Variants in TRAPPC9 observed in about 807,000 individuals in gnomAD.
The protein encoded by TRAPPC9 is trafficking protein particle complex subunit 9.
TRAPPC9 carries 83 observed loss-of-function variants against 124.0 expected under a neutral mutation model. That is an observed-to-expected ratio of 0.67 (90% confidence interval 0.56 to 0.80). TRAPPC9 has a LOEUF of 0.80. Ranked by LOEUF, TRAPPC9 falls within the 30% of genes least tolerant of loss-of-function variation. The pLI, the probability that TRAPPC9 is intolerant of heterozygous loss-of-function variation, is 0.00. For synonymous variants in TRAPPC9, 638 were observed against 617.5 expected (o/e 1.03, Z -0.49); for missense variants, 1,302 against 1,508.3 (o/e 0.86, Z 2.27).
In TRAPPC9 at chr8:139,788,277, G is replaced by A. The variant is rs1298365321; in HGVS notation, c.3056-56075C>T. On this transcript the variant is annotated intron_variant, in intron 21 of 22. Transcript: ENST00000438773. The surrounding 1 kb of genome is among the most constrained non-coding windows in gnomAD (Gnocchi z 4.9). Reference sequence around the variant, plus strand: ...CTGGGTGGCTAATGTGTGTGTCAGTGTATGTTGGAGGAGGGGAAGGGTGGT... The same window carrying A: ...CTGGGTGGCTAATGTGTGTGTCAGTATATGTTGGAGGAGGGGAAGGGTGGT... Among the ~76,000 whole-genome samples the A allele has an allele frequency of 6.6e-6, 1 of 152,212 alleles. No individual in the cohort carries two copies. Among genetic ancestry groups the A allele is most frequent in the Non-Finnish European group, 1.5e-5 (1 of 68,044 alleles).
chr8:140,261,197 T>C (rs2064399261), intron 15 of TRAPPC9, among the ~76,000 whole-genome samples: 1 of 152,268 alleles, frequency 6.6e-6, no homozygotes, highest in Non-Finnish European at 1.5e-5. Flanking sequence ...CTGTCTGCTC[T>C]GCAGCACTGT....
intron 21 of TRAPPC9, among the ~76,000 whole-genome samples, chr8:139,828,538 C>A (rs763008556): frequency 2.0e-5 from 3 of 152,204 alleles, no homozygotes; most frequent in Admixed American, 1.3e-4. Flanking sequence ...ATTACCAAAT[C>A]GGGAAATGCT....
intron 19 of TRAPPC9, among the ~76,000 whole-genome samples, chr8:139,985,184 T>C (rs565202664): frequency 1.9e-4 from 29 of 152,204 alleles, no homozygotes; most frequent in East Asian, 3.8e-4. Context: ...CAAGACTAAA[T>C]TGTGATTATT....
chr8:140,072,023 A>T (rs1843184694), intron 17 of TRAPPC9, among the ~76,000 whole-genome samples: 1 of 152,234 alleles, frequency 6.6e-6, no homozygotes, highest in African/African-American at 2.4e-5. Flanking sequence ...TATAAGGCAT[A>T]AAACAGAGCA....
At chr8:139,806,669 C>T (rs1005518634) in intron 21 of TRAPPC9, among the ~76,000 whole-genome samples, 1 of 152,236 alleles carries the variant, frequency 6.6e-6, no homozygotes, top group African/African-American at 2.4e-5. Flanking sequence ...GCCTGATAGC[C>T]TTCCCAGGCA....
chr8:139,843,284 C>G (rs184110068), intron 21 of TRAPPC9, among the ~76,000 whole-genome samples: 4 of 152,298 alleles, frequency 2.6e-5, no homozygotes, highest in Non-Finnish European at 5.9e-5. Flanking sequence ...TTCCCAGAGC[C>G]AGCAGGAGGG....
At chr8:140,334,444 G>A (rs2066981014) in intron 9 of TRAPPC9, among the ~76,000 whole-genome samples, 1 of 152,120 alleles carries the variant, frequency 6.6e-6, no homozygotes, top group African/African-American at 2.4e-5. Flanking sequence ...GAGGTCAGGA[G>A]TTCGACACTA....
intron 19 of TRAPPC9, among the ~76,000 whole-genome samples, chr8:139,934,951 C>T (rs1034466281): frequency 6.6e-6 from 1 of 152,204 alleles, no homozygotes; most frequent in Non-Finnish European, 1.5e-5. Flanking sequence ...ACACCTGCTT[C>T]CCAGGCTTGT....
chr8:140,185,677 G>A (rs963387758), intron 17 of TRAPPC9, among the ~76,000 whole-genome samples: 1 of 152,228 alleles, frequency 6.6e-6, no homozygotes, highest in African/African-American at 2.4e-5. Context: ...ACCAGGGGAA[G>A]CCTCCACCAG....
intron 18 of TRAPPC9, among the ~76,000 whole-genome samples, chr8:140,005,294 G>A (rs988158099): frequency 2.0e-5 from 3 of 152,188 alleles, no homozygotes; most frequent in Non-Finnish European, 4.4e-5. Flanking sequence ...TGACTTCTCT[G>A]GGTTTGGGCT....
intron 17 of TRAPPC9, among the ~76,000 whole-genome samples, chr8:140,092,466 G>A (rs1190426532): frequency 6.6e-6 from 1 of 152,058 alleles, no homozygotes; most frequent in African/African-American, 2.4e-5. Context: ...CAAAGTGCTG[G>A]GACTACAGGC....
chr8:140,200,640 C>T (rs919142973), intron 17 of TRAPPC9, among the ~76,000 whole-genome samples: 1 of 152,046 alleles, frequency 6.6e-6, no homozygotes, highest in African/African-American at 2.4e-5. Flanking sequence ...AATATCTGAC[C>T]GGCACTCCTC....
chr8:140,283,241 AAATT>A (rs1259501003), intron 14 of TRAPPC9, among the ~76,000 whole-genome samples: 49 of 151,164 alleles, frequency 3.2e-4, no homozygotes, highest in African/African-American at 9.9e-4. Flanking sequence ...TTGTCTCAAA[AAATT>A]AATTAATTAA....
At position 140,069,153 on chromosome 8, in the gene TRAPPC9, G is replaced by T. The variant is rs150118674; in HGVS notation, c.2557-45074C>A. Among the ~76,000 whole-genome samples the T allele has an allele frequency of 7.2e-5, 11 of 152,328 alleles. No homozygotes were observed. The East Asian group carries it at 2.1e-3, about 29-fold the overall frequency. On this transcript the variant is annotated intron_variant, in intron 17 of 22. Transcript: ENST00000438773. Reference sequence around the variant, plus strand: ...TGTGCTCAAGGAACCATTAAAGAATGCAAGCATAACAGCAGAATTCAGTAT... The same window carrying T: ...TGTGCTCAAGGAACCATTAAAGAATTCAAGCATAACAGCAGAATTCAGTAT...
At chr8:140,147,564 C>T (rs1234169038) in intron 17 of TRAPPC9, among the ~76,000 whole-genome samples, 2 of 152,122 alleles carry the variant, frequency 1.3e-5, no homozygotes, top group Non-Finnish European at 2.9e-5. Context: ...ATAACTTCAG[C>T]GCAAGAAGAT....
chr8:139,826,348 G>C (rs1474042463), intron 21 of TRAPPC9, among the ~76,000 whole-genome samples: 1 of 152,190 alleles, frequency 6.6e-6, no homozygotes, highest in Non-Finnish European at 1.5e-5. Flanking sequence ...AGACAGTGTG[G>C]GCCAGACAAG....
intron 20 of TRAPPC9, among the ~76,000 whole-genome samples, chr8:139,897,103 TTCTCA>T (rs1330209122): frequency 1.3e-5 from 2 of 152,284 alleles, no homozygotes; most frequent in South Asian, 2.1e-4. Flanking sequence ...CCAGCTCATG[TTCTCA>T]TATCTGGAGC....
chr8:140,378,362 G>T (rs2068507453), intron 7 of TRAPPC9, among the ~76,000 whole-genome samples: 1 of 152,142 alleles, frequency 6.6e-6, no homozygotes, highest in East Asian at 1.9e-4. Flanking sequence ...GCGCAGCTAA[G>T]AATATAAGCA....
intron 21 of TRAPPC9, among the ~76,000 whole-genome samples, chr8:139,873,734 C>G (rs139770827): frequency 6.6e-6 from 1 of 152,326 alleles, no homozygotes; most frequent in South Asian, 2.1e-4. Context: ...GAGGACAATT[C>G]GTTCCACTTG....
Sources: allele counts gnomAD v4.1 joint callset (sites outside exome capture counted in the v4.1 genomes callset), GRCh38; gene constraint gnomAD v4.1.1; non-coding constraint Gnocchi (gnomAD v3.1); transcripts MANE v1.5; gene names NCBI Gene and HGNC (gene_info 2026-07-23, HGNC 2026-07-21).